The following RSF1 variants were observed in gnomAD, a reference collection of about 807,000 sequenced individuals.
RSF1 encodes HBV pX-associated protein 8.
RSF1 carries 13 observed loss-of-function variants against 145.2 expected under a neutral mutation model. That is an observed-to-expected ratio of 0.09 (90% CI 0.06 to 0.14). The LOEUF (loss-of-function observed/expected upper bound fraction) is 0.14. RSF1 is among the 10% of genes least tolerant of loss of function. The pLI, the probability that RSF1 is intolerant of heterozygous loss-of-function variation, is 1.00. For synonymous variants in RSF1, 577 were observed against 592.6 expected, an observed-to-expected ratio of 0.97 and a Z score of 0.38; for missense variants, 1,517 against 1,718.2, an observed-to-expected ratio of 0.88 and a Z score of 2.07.
At chr11:77,686,800 C>G (rs1479056806) in intron 9 of RSF1, among the ~76,000 whole-genome samples, 1 of 152,160 alleles carries the variant, frequency 6.6e-6, no homozygotes, top group African/African-American at 2.4e-5. Flanking sequence ...ATATCCATCC[C>G]TCTTTTCCAC....
At chr11:77,801,107 G>A (rs1330752168) in intron 1 of RSF1, among the ~76,000 whole-genome samples, 2 of 152,102 alleles carry the variant, frequency 1.3e-5, no homozygotes, top group East Asian at 1.9e-4. Context: ...CATTTTATAA[G>A]GCCAGGATTA....
the RSF1 span, among the ~76,000 whole-genome samples, chr11:77,836,383 G>T: frequency 6.6e-6 from 1 of 152,034 alleles, no homozygotes; most frequent in East Asian, 1.9e-4. Context: ...AAGAGAAAGA[G>T]ATAGCAGGTG....
intron 1 of RSF1, among the ~76,000 whole-genome samples, chr11:77,817,511 G>A (rs1251566062): frequency 6.6e-6 from 1 of 152,184 alleles, no homozygotes; most frequent in East Asian, 1.9e-4. Flanking sequence ...GGCTACCACT[G>A]TATCCTACTT....
At chr11:77,811,328 C>T (rs1948728893) in intron 1 of RSF1, among the ~76,000 whole-genome samples, 1 of 152,202 alleles carries the variant, frequency 6.6e-6, no homozygotes, top group Non-Finnish European at 1.5e-5. Flanking sequence ...ACATTTACTA[C>T]ATATTTGCTA....
intron 10 of RSF1, among the ~76,000 whole-genome samples, chr11:77,684,317 A>G (rs192027798): frequency 1.2e-4 from 19 of 152,324 alleles, no homozygotes; most frequent in Middle Eastern, 6.8e-3. Context: ...ATGCACTTTC[A>G]CTCATGATAT....
intron 5 of RSF1, among the ~76,000 whole-genome samples, chr11:77,703,897 A>G (rs1046540678): frequency 6.6e-6 from 1 of 152,250 alleles, no homozygotes; most frequent in Non-Finnish European, 1.5e-5. Context: ...CTGATAAAAC[A>G]GGTTTAATAA....
chr11:77,731,389 G>GT (rs1373732274), intron 4 of RSF1, among the ~76,000 whole-genome samples: 3 of 152,336 alleles, frequency 2.0e-5, no homozygotes, highest in East Asian at 3.9e-4. Context: ...GGGAAGCAGA[G>GT]TATAAAAGTT....
chr11:77,833,429 A>G, the RSF1 span, among the ~76,000 whole-genome samples: 1 of 152,132 alleles, frequency 6.6e-6, no homozygotes, highest in African/African-American at 2.4e-5. Context: ...TGCAGTTCAC[A>G]ATAGGGTTCA....
chr11:77,794,974 A>G (rs966476136), intron 1 of RSF1, among the ~76,000 whole-genome samples: 3 of 152,196 alleles, frequency 2.0e-5, no homozygotes, highest in African/African-American at 7.2e-5. Context: ...TTTACCAAAT[A>G]CCTCTTAGAA....
the RSF1 span, among the ~76,000 whole-genome samples, chr11:77,867,343 A>T: frequency 3.9e-5 from 6 of 152,042 alleles, no homozygotes; most frequent in Non-Finnish European, 7.4e-5. Flanking sequence ...ATACTTCGAG[A>T]CCCAGTTAAA....
intron 11 of RSF1, among the ~76,000 whole-genome samples, chr11:77,678,888 G>A (rs181752666): frequency 6.6e-6 from 1 of 152,266 alleles, no homozygotes; most frequent in East Asian, 1.9e-4. Context: ...TCTTGACCTT[G>A]GACCTCCTAG....
intron 4 of RSF1, among the ~76,000 whole-genome samples, chr11:77,732,044 A>C: frequency 6.6e-6 from 1 of 152,238 alleles, no homozygotes; most frequent in East Asian, 1.9e-4. Flanking sequence ...TGCTTGGAAA[A>C]GCCGCAGATA....
intron 6 of RSF1, among the ~76,000 whole-genome samples, 161 bp downstream of exon 6, chr11:77,700,556 AGAGT>A (rs1960393503): frequency 6.6e-6 from 1 of 152,116 alleles, no homozygotes; most frequent in Admixed American, 6.6e-5. Flanking sequence ...AAAGATGACA[AGAGT>A]ATAGAGTATA....
chr11:77,820,097 G>A (rs1427047458), intron 1 of RSF1, among the ~76,000 whole-genome samples: 1 of 152,186 alleles, frequency 6.6e-6, no homozygotes, highest in African/African-American at 2.4e-5. Context: ...CGGGAAGACT[G>A]GTGGGAGGAG....
Position 77,700,963 on chromosome 11 carries a change from C to G in RSF1, c.2266G>C (p.Glu756Gln), listed in dbSNP as rs76890152. ...PDSPPKVLEP[E>Q]NKQEKTEKEE... ...TTTTCTGTCTTCTCTTGCTTGTTTT[C>G]TGGTTCTAGAACTTTGGGGGGAGAA... The change falls in exon 6 of 16, where the codon GAA (glutamate) becomes CAA (glutamine). Residue 756 changes from glutamate (E) to glutamine (Q), a missense_variant. By Grantham distance (29) the Glu-to-Gln change is conservative (BLOSUM62 2). Around this residue, in one of 12 missense-constraint regions of RSF1, gnomAD observed 579 missense variants for 553.5 expected, o/e 1.05. Coordinates refer to ENST00000308488, the MANE Select transcript of RSF1 (RefSeq NM_016578.4). The G allele has an allele frequency of 3.1e-6, 5 of 1,613,334 alleles. No homozygotes were observed. In the African/African-American group the frequency reaches 6.7e-5, roughly 22 times the overall value.
At chr11:77,792,274 TCCCAC>T (rs769393022) in intron 1 of RSF1, among the ~76,000 whole-genome samples, 7 of 151,914 alleles carry the variant, frequency 4.6e-5, no homozygotes, top group Non-Finnish European at 1.0e-4. Context: ...TTCAATTACC[TCCCAC>T]CAAGTCCCTC....
rs1960138150 is a variant in RSF1 at position 77,691,004 on chromosome 11, A to G, written c.2900+155T>C. 3 of 575,930 alleles carry G rather than the reference A, an allele frequency of 5.2e-6. No homozygotes were observed. The Admixed American group carries it at 1.0e-4, about 19-fold the overall frequency. The allele number at this position is 575,930 out of a possible 1,614,324, so 35.7% of individuals were successfully genotyped here. On this transcript the variant is annotated intron_variant, in intron 9 of 15. Coordinates refer to ENST00000308488, the MANE Select transcript of RSF1 (RefSeq NM_016578.4). ...ATTTAAAAACATAAAAAACATTCTT[A>G]GTTAGCAGGCAGTACAAAAACAAAA...
intron 4 of RSF1, among the ~76,000 whole-genome samples, chr11:77,733,366 T>C (rs914091285): frequency 2.0e-5 from 3 of 152,158 alleles, no homozygotes; most frequent in African/African-American, 7.2e-5. Flanking sequence ...ATATATTCTT[T>C]ATGAAGTAAC....
At position 77,731,753 on chromosome 11, in the gene RSF1, TC is replaced by T. The variant is rs1444204140; in HGVS notation, c.579-6055del. 2.0e-5 allele frequency among the ~76,000 whole-genome samples: 3 copies of T among 152,362 alleles called. No homozygotes were observed. The East Asian group carries it at 5.8e-4, about 29-fold the overall frequency. On this transcript the variant is annotated intron_variant, in intron 4 of 15. Transcript: ENST00000308488. ...GTGCAAGTCCCAAGCTTTGGCAGCT[TC>T]CATGTGGTGCTGAACCTGTGAATGC...
Sources: gnomAD v4.1 joint callset for allele counts (sites outside exome capture counted in the v4.1 genomes callset) on GRCh38, gnomAD v4.1.1 for gene constraint, gnomAD v4.1.1 regional missense constraint, MANE v1.5 for transcripts, NCBI Gene and HGNC (gene_info 2026-07-23, HGNC 2026-07-21) for gene names.